VRK2: variants seen among roughly 807,000 people sequenced by gnomAD.
VRK2 encodes the protein serine/threonine-protein kinase VRK2.
Under a neutral mutation model 57.6 loss-of-function variants are expected in VRK2, and 60 were observed. The observed-to-expected ratio is 1.04, with a 90% confidence interval of 0.85 to 1.29. The LOEUF is 1.29. VRK2 is among the 50% of genes most tolerant of loss of function. The pLI, the probability that VRK2 is intolerant of heterozygous loss-of-function variation, is 0.00. For missense variants in VRK2, 705 were observed against 588.1 expected (o/e 1.20, Z -2.06); for synonymous variants, 231 against 199.2 (o/e 1.16, Z -1.35).
intron 12 of VRK2, among the ~76,000 whole-genome samples, chr2:58,156,198 T>A (rs944220540): frequency 1.3e-5 from 2 of 152,166 alleles, no homozygotes; most frequent in Admixed American, 6.5e-5. Context: ...TTCAGAACTT[T>A]AAAAAGGATG....
At chr2:57,935,669 C>T (rs1401667226) in intron 1 of VRK2, among the ~76,000 whole-genome samples, 1 of 151,676 alleles carries the variant, frequency 6.6e-6, no homozygotes, top group Non-Finnish European at 1.5e-5. Context: ...CTCATTCTCT[C>T]CCAATCTTTG....
chr2:58,040,130 T>C (rs1353620387), intron 3 of VRK2, among the ~76,000 whole-genome samples: 1 of 152,090 alleles, frequency 6.6e-6, no homozygotes, highest in Admixed American at 6.6e-5. Context: ...TCTCGCTATG[T>C]TCCCCAGATA....
intron 2 of VRK2, among the ~76,000 whole-genome samples, chr2:58,068,338 A>G (rs1238893417): frequency 6.6e-6 from 1 of 152,058 alleles, no homozygotes; most frequent in East Asian, 1.9e-4. Context: ...TTTTTGCTGG[A>G]TGTTGGATTG....
chr2:58,092,103 A>G lies in VRK2; in HGVS notation c.543+2380A>G, dbSNP rs541288662. Among the ~76,000 whole-genome samples, 7 of 152,340 alleles carry G rather than the reference A, an allele frequency of 4.6e-5. No homozygotes were observed. In the East Asian group the frequency reaches 1.2e-3, roughly 25 times the overall value. On this transcript the variant is annotated intron_variant, in intron 7 of 12. Transcript: ENST00000340157. Reference sequence around the variant, plus strand: ...TTGATATCTTTTGACAGATGTATGTATCATGTAACCACTACTGCCACCAAG... The same window carrying G: ...TTGATATCTTTTGACAGATGTATGTGTCATGTAACCACTACTGCCACCAAG...
At chr2:57,997,722 G>A (rs1672968152) in intron 1 of VRK2, among the ~76,000 whole-genome samples, 1 of 152,002 alleles carries the variant, frequency 6.6e-6, no homozygotes, top group African/African-American at 2.4e-5. Context: ...GGGCAACATG[G>A]TGAAACACCG....
intron 1 of VRK2, among the ~76,000 whole-genome samples, chr2:58,008,388 G>A (rs1375677086): frequency 6.6e-6 from 1 of 151,932 alleles, no homozygotes; most frequent in Non-Finnish European, 1.5e-5. Flanking sequence ...AAGCAGGAGA[G>A]GAAGAAAATT....
At chr2:57,988,221 TTTCTC>T (rs1318674952) in intron 1 of VRK2, among the ~76,000 whole-genome samples, 2 of 152,258 alleles carry the variant, frequency 1.3e-5, no homozygotes, top group African/African-American at 4.8e-5. Context: ...AGTTTTATGT[TTTCTC>T]TTCCATTTTC....
chr2:58,108,237 T>C (rs1348091819), intron 7 of VRK2, among the ~76,000 whole-genome samples: 1 of 152,168 alleles, frequency 6.6e-6, no homozygotes. Context: ...TCTCTTTCTC[T>C]CAACCCTCTT....
intron 2 of VRK2, among the ~76,000 whole-genome samples, chr2:58,052,631 T>A (rs980941253): frequency 6.7e-6 from 1 of 149,374 alleles, no homozygotes; most frequent in South Asian, 2.1e-4. Context: ...GCTGCCATAG[T>A]GGATTAAGAT....
At chr2:57,975,071 C>A (rs538936548) in intron 1 of VRK2, among the ~76,000 whole-genome samples, 162 of 151,912 alleles carry the variant, frequency 1.1e-3, no homozygotes, top group Middle Eastern at 3.4e-3. Flanking sequence ...TATTATGTTT[C>A]ATGAATTAGC....
At chr2:57,918,897 T>C (rs1670242530) in intron 1 of VRK2, among the ~76,000 whole-genome samples, 1 of 152,126 alleles carries the variant, frequency 6.6e-6, no homozygotes, top group Admixed American at 6.6e-5. Flanking sequence ...CTTAAGAACA[T>C]TTCTATGTAT....
In VRK2 at chr2:57,918,348, A is replaced by ATT. The variant is rs11410659; in HGVS notation, c.-439+10516_-439+10517dup. 2.6e-4 allele frequency among the ~76,000 whole-genome samples: 39 copies of ATT among 151,630 alleles called. 1 individual carries two copies. The highest frequency in any genetic ancestry group is 4.1e-4 in the Non-Finnish European group (28 of 67,792). On this transcript the variant is annotated intron_variant, in intron 1 of 15. Coordinates refer to the VRK2 transcript ENST00000417641. ...TCATGCTAATGCCACTTTTCATTTC[A>ATT]TTTTTTTTGAAAAATCCTACTTTGT...
chr2:58,137,202 C>CATATATGATACATGTA (rs1680549626), intron 10 of VRK2, among the ~76,000 whole-genome samples: 1 of 27,330 alleles, frequency 3.7e-5, no homozygotes, highest in Non-Finnish European at 6.3e-5. Flanking sequence ...ACATATATAT[C>CATATATGATACATGTA]TCATATATGA....
chr2:57,950,437 C>CAAA (rs1671392461), intron 1 of VRK2, among the ~76,000 whole-genome samples: 1 of 152,174 alleles, frequency 6.6e-6, no homozygotes, highest in Admixed American at 6.5e-5. Context: ...AATGGAACAA[C>CAAA]AGTCTGGATG....
chr2:58,159,887 G>T (rs767861553), downstream of VRK2: 3 of 1,585,636 alleles, frequency 1.9e-6, no homozygotes, highest in African/African-American at 1.4e-5. Flanking sequence ...TCATAGAATA[G>T]TGTCATAGTA....
chr2:57,913,780 AT>A (rs937177120), intron 1 of VRK2, among the ~76,000 whole-genome samples: 2 of 151,968 alleles, frequency 1.3e-5, no homozygotes, highest in African/African-American at 4.8e-5. Flanking sequence ...ACCAAATTGG[AT>A]TTTTTTCATG....
intron 1 of VRK2, among the ~76,000 whole-genome samples, chr2:57,981,113 T>G (rs1375959190): frequency 6.6e-6 from 1 of 152,190 alleles, no homozygotes; most frequent in East Asian, 1.9e-4. Context: ...TTTGATTGTA[T>G]AGTTGCTTTA....
chr2:58,149,199 T>G (rs1404468398), intron 12 of VRK2, among the ~76,000 whole-genome samples: 1 of 151,772 alleles, frequency 6.6e-6, no homozygotes, highest in African/African-American at 2.4e-5. Context: ...CTCAACAGTG[T>G]TTTGTAGTTT....
upstream of VRK2, among the ~76,000 whole-genome samples, chr2:58,046,086 C>A (rs1674721381): frequency 6.6e-6 from 1 of 152,182 alleles, no homozygotes. Flanking sequence ...CTCAGATGAT[C>A]CACCCGCCTC....
Sources: allele counts gnomAD v4.1 joint callset (sites outside exome capture counted in the v4.1 genomes callset), GRCh38; gene constraint gnomAD v4.1.1; transcripts MANE v1.5; gene names NCBI Gene and HGNC (gene_info 2026-07-23, HGNC 2026-07-21).